RP1: variants seen among roughly 807,000 people sequenced by gnomAD.
RP1 encodes the protein RP1 axonemal microtubule associated, also known as oxygen-regulated protein 1.
RP1 carries 16 observed loss-of-function variants against 14.8 expected under a neutral mutation model. That is an observed-to-expected ratio of 1.08 (90% CI 0.73 to 1.65). The LOEUF (loss-of-function observed/expected upper bound fraction) is 1.65. Among genes scored for constraint, RP1 ranks in the 40% most tolerant of loss-of-function variants. RP1 has a pLI of 0.00. For synonymous variants in RP1, 876 were observed against 883.6 expected, an observed-to-expected ratio of 0.99 and a Z score of 0.15; for missense variants, 2,631 against 2,535.0, an observed-to-expected ratio of 1.04 and a Z score of -0.81.
intron 15 of RP1, among the ~76,000 whole-genome samples, chr8:54,711,826 C>T (rs539817182): frequency 4.0e-5 from 6 of 150,976 alleles, no homozygotes; most frequent in Non-Finnish European, 8.9e-5. Context: ...AGACCCATAA[C>T]AAAAAAACAG....
At chr8:54,766,246 T>TA (rs1273594316) in intron 22 of RP1, among the ~76,000 whole-genome samples, 2 of 152,146 alleles carry the variant, frequency 1.3e-5, no homozygotes, top group South Asian at 2.1e-4. Flanking sequence ...ATGATATAGA[T>TA]AAAAAAAGAT....
intron 1 of RP1, among the ~76,000 whole-genome samples, chr8:54,566,691 A>C (rs866486291): frequency 6.6e-6 from 1 of 152,298 alleles, no homozygotes; most frequent in Middle Eastern, 3.4e-3. Context: ...CTGGCCAAGG[A>C]GAGCTATAGA....
intron 27 of RP1, among the ~76,000 whole-genome samples, chr8:54,860,139 C>T (rs958537881): frequency 1.3e-5 from 2 of 151,930 alleles, no homozygotes; most frequent in African/African-American, 2.4e-5. Flanking sequence ...TTGTTTGATA[C>T]AAAGAATAAA....
At chr8:54,585,356 T>C (rs1372017641) in intron 1 of RP1, among the ~76,000 whole-genome samples, 3 of 152,250 alleles carry the variant, frequency 2.0e-5, no homozygotes, top group Non-Finnish European at 4.4e-5. Context: ...GAGTTTCTGC[T>C]GAGAGAGCAG....
chr8:54,863,967 T>G (rs1211067442), intron 27 of RP1, among the ~76,000 whole-genome samples: 2 of 152,324 alleles, frequency 1.3e-5, no homozygotes, highest in East Asian at 3.9e-4. Context: ...GCTTCCTTGT[T>G]TACCAATAAT....
At position 54,621,436 on chromosome 8, in the gene RP1, T is replaced by C. The variant is rs771020312; in HGVS notation, c.470T>C (p.Val157Ala). The change falls in exon 2 of 4, where the codon GTG (valine) becomes GCG (alanine). Residue 157 changes from valine (V) to alanine (A), a missense_variant. Val to Ala is a moderately conservative substitution (Grantham distance 64, BLOSUM62 0). Transcript: ENST00000220676. ...PGMPRPPRSL[V>A]VFRNGDPKTR... The stretch of plus-strand genomic sequence containing the variant: ...ATGCCCCGCCCCCCACGGAGCCTAG[T>C]GGTCTTCAGGAATGGCGACCCGAAG... 7 of 1,613,594 alleles carry C rather than the reference T, an allele frequency of 4.3e-6. No homozygotes were observed. The African/African-American group carries it at 5.3e-5, about 12-fold the overall frequency.
At chr8:54,797,530 A>AAC (rs3077304) in intron 24 of RP1, among the ~76,000 whole-genome samples, 5,294 of 148,240 alleles carry the variant, frequency 0.036, 255 homozygotes, top group African/African-American at 0.11. Flanking sequence ...CATAGGACTA[A>AAC]ACACACACAC....
chr8:54,571,625 A>G (rs1397856303), intron 1 of RP1, among the ~76,000 whole-genome samples: 5 of 152,214 alleles, frequency 3.3e-5, no homozygotes, highest in African/African-American at 1.2e-4. Context: ...TTAGTTTGCT[A>G]GGACTGTCAA....
At chr8:54,826,427 A>G (rs1811387154) in intron 24 of RP1, among the ~76,000 whole-genome samples, 1 of 152,200 alleles carries the variant, frequency 6.6e-6, no homozygotes, top group South Asian at 2.1e-4. Context: ...GCATAATTGA[A>G]ATTGTTAGCT....
intron 19 of RP1, among the ~76,000 whole-genome samples, chr8:54,748,943 G>A (rs1438924974): frequency 6.6e-6 from 1 of 151,802 alleles, no homozygotes; most frequent in Non-Finnish European, 1.5e-5. Context: ...TATTCTTTGT[G>A]TTCTATCCAG....
At chr8:54,794,847 G>A (rs1219012940) in intron 24 of RP1, among the ~76,000 whole-genome samples, 1 of 151,914 alleles carries the variant, frequency 6.6e-6, no homozygotes, top group Admixed American at 6.6e-5. Flanking sequence ...TATCTGATAA[G>A]GGATTAATAT....
rs1193298885 is a variant in RP1 at position 54,629,456 on chromosome 8, T to C, written c.5574T>C (p.His1858=). ...ATCATACAGAGGAGAAGGGTAGTCA[T>C]CAGTCAGAAAGAGTATGCACATCTG... ...ANHHTEEKGS[H]QSERVCTSVT... is the part of the protein sequence containing the mutation. Residue 1858 remains histidine, a synonymous_variant, in exon 4 of 4, where the codon CAT becomes CAC. Transcript: ENST00000220676. 3 of 1,614,014 alleles carry C rather than the reference T, an allele frequency of 1.9e-6. No individual in the cohort carries two copies. The highest frequency in any genetic ancestry group is 2.5e-6 in the Non-Finnish European group (3 of 1,180,000).
intron 1 of RP1, among the ~76,000 whole-genome samples, chr8:54,588,955 A>C (rs1804988942): frequency 6.6e-6 from 1 of 152,322 alleles, no homozygotes; most frequent in East Asian, 1.9e-4. Context: ...CACAAGCTCA[A>C]AGGTTAAGTA....
At chr8:54,595,021 C>A (rs1243580102) in intron 1 of RP1, among the ~76,000 whole-genome samples, 1 of 151,752 alleles carries the variant, frequency 6.6e-6, no homozygotes, top group Non-Finnish European at 1.5e-5. Flanking sequence ...CTCAAAAATC[C>A]CTATAATAAA....
chr8:54,815,101 T>A (rs1383476743), intron 24 of RP1, among the ~76,000 whole-genome samples: 1 of 152,242 alleles, frequency 6.6e-6, no homozygotes, highest in African/African-American at 2.4e-5. Flanking sequence ...AATAGTTTTA[T>A]AATATGCTTA....
chr8:54,751,354 T>C (rs1809365405), intron 19 of RP1, among the ~76,000 whole-genome samples: 1 of 152,182 alleles, frequency 6.6e-6, no homozygotes, highest in Non-Finnish European at 1.5e-5. Context: ...TAAAAATGCT[T>C]GGTGAGCTGC....
chr8:54,769,997 T>C (rs1809862952), downstream of RP1: 3 of 498,790 alleles, frequency 6.0e-6, no homozygotes, highest in African/African-American at 2.0e-5. Flanking sequence ...TGTGCCCTAA[T>C]TGAAGTTAAA....
intron 1 of RP1, among the ~76,000 whole-genome samples, chr8:54,610,685 G>C (rs1271928494): frequency 6.6e-6 from 1 of 152,116 alleles, no homozygotes; most frequent in African/African-American, 2.4e-5. Context: ...AGTCTTCCTT[G>C]ACAGTTTTAT....
Position 54,706,560 on chromosome 8 carries a change from A to G in RP1, c.2116A>G (p.Lys706Glu), listed in dbSNP as rs534426741. The G allele has an allele frequency of 3.3e-6, 5 of 1,536,076 alleles. No homozygotes were observed. The South Asian group carries it at 4.8e-5, about 15-fold the overall frequency. ...AAGCCAGTCTGAAAAATCCTACTGG[A>G]AAGTGCATAAAATCAGCTCTGGGAT... is the stretch of plus-strand genomic sequence containing the variant. The change falls in exon 15 of 23, where the codon AAA (lysine) becomes GAA (glutamate). Residue 706 changes from lysine to glutamate, a missense_variant. Lys to Glu is a moderately conservative substitution (Grantham distance 56). Coordinates refer to the RP1 transcript ENST00000636932.
Sources: allele counts gnomAD v4.1 joint callset (sites outside exome capture counted in the v4.1 genomes callset), GRCh38; gene constraint gnomAD v4.1.1; transcripts MANE v1.5; gene names NCBI Gene and HGNC (gene_info 2026-07-23, HGNC 2026-07-21).